Variants in ARHGAP25 observed in about 807,000 individuals in gnomAD.
ARHGAP25 encodes Rho GTPase activating protein 25, also known as rho GTPase-activating protein 25.
A neutral mutation model predicts 71.0 loss-of-function variants in ARHGAP25; 34 were observed. That is an observed-to-expected ratio of 0.48 (90% CI 0.36 to 0.64). The LOEUF (loss-of-function observed/expected upper bound fraction) is 0.64. Among genes scored for constraint, ARHGAP25 ranks in the 30% least tolerant of loss-of-function variants. ARHGAP25 has a pLI of 0.00. For missense variants in ARHGAP25, 706 were observed against 805.1 expected, an observed-to-expected ratio of 0.88 and a Z score of 1.49; for synonymous variants, 282 against 296.5, an observed-to-expected ratio of 0.95 and a Z score of 0.50.
At chr2:68,782,434 CA>C (rs1678409532) in intron 3 of ARHGAP25, 114 bp downstream of exon 3, 21 of 899,334 alleles carry the variant, frequency 2.3e-5, no homozygotes, top group Non-Finnish European at 3.7e-5. Context: ...ACTAACCAAC[CA>C]GCCTATTGAG....
At chr2:68,755,623 T>C (rs1403967344) in intron 1 of ARHGAP25, among the ~76,000 whole-genome samples, 1 of 129,090 alleles carries the variant, frequency 7.7e-6, no homozygotes, top group African/African-American at 2.9e-5. Context: ...TCTTCCCATA[T>C]ATTAAAAGGA....
intron 4 of ARHGAP25, among the ~76,000 whole-genome samples, chr2:68,788,562 G>T (rs751930028): frequency 1.3e-5 from 2 of 152,148 alleles, no homozygotes; most frequent in Non-Finnish European, 2.9e-5. Context: ...GAGCTCTCTG[G>T]GAATCCTGGT....
rs563855263 is a variant in ARHGAP25, at chr2:68,767,661, A to G, written c.62-7560A>G. The stretch of plus-strand genomic sequence containing the variant: ...TTGCTCAGAATCCCTAGGTCTCTCC[A>G]CATGAGCTTGGGTAGCAGCTGGTAA... On this transcript the variant is annotated intron_variant, in intron 1 of 10. Transcript: ENST00000409202. This position sits in a 1 kb window ranked among gnomAD's most constrained non-coding sequence, Gnocchi z 4.6. 6.6e-6 allele frequency among the ~76,000 whole-genome samples: 1 copy of G among 152,228 alleles called. No individual in the cohort carries two copies. Among genetic ancestry groups the G allele is most frequent in the African/African-American group, 2.4e-5 (1 of 41,524 alleles).
At chr2:68,713,953 T>A (rs1419632903) in intron 2 of ARHGAP25, among the ~76,000 whole-genome samples, 1 of 152,206 alleles carries the variant, frequency 6.6e-6, no homozygotes, top group Non-Finnish European at 1.5e-5. Context: ...TTTCTTTTTT[T>A]GTTGTGTCTC....
At chr2:68,761,763 A>G (rs1676835797) in intron 1 of ARHGAP25, among the ~76,000 whole-genome samples, 1 of 152,188 alleles carries the variant, frequency 6.6e-6, no homozygotes, top group Non-Finnish European at 1.5e-5. Flanking sequence ...GGAGATATTG[A>G]AACCCTTTTG....
At chr2:68,722,251 A>C (rs1005190476) in intron 2 of ARHGAP25, among the ~76,000 whole-genome samples, 1 of 152,208 alleles carries the variant, frequency 6.6e-6, no homozygotes, top group Non-Finnish European at 1.5e-5. Flanking sequence ...AGAACTCCTA[A>C]TTTCAACACT....
chr2:68,822,395 C>T lies in ARHGAP25; in HGVS notation c.1256C>T (p.Pro419Leu), dbSNP rs376461540. Reference sequence around the variant, plus strand: ...GGACAGCAGCCGAGCGATGCGTTTCCGGAGGACAGCAGCAAAGTACCCAGG... The same window carrying T: ...GGACAGCAGCCGAGCGATGCGTTTCTGGAGGACAGCAGCAAAGTACCCAGG... ...PTGQQPSDAF[P>L]EDSSKVPREK... Residue 419 changes from proline to leucine, a missense_variant, in exon 10 of 11, where the codon CCG (proline) becomes CTG (leucine). Transcript: ENST00000409202. 98 of 1,613,924 alleles carry T rather than the reference C, an allele frequency of 6.1e-5. No homozygotes were observed. The highest frequency in any genetic ancestry group is 9.9e-5 in the South Asian group (9 of 91,074).
intron 1 of ARHGAP25, among the ~76,000 whole-genome samples, chr2:68,769,249 A>C (rs1056330459): frequency 6.6e-6 from 1 of 152,054 alleles, no homozygotes; most frequent in Non-Finnish European, 1.5e-5. Flanking sequence ...TCTCTCATTT[A>C]GAATAAAATT....
At chr2:68,803,266 G>A (rs756288790) in intron 4 of ARHGAP25, among the ~76,000 whole-genome samples, 1 of 152,180 alleles carries the variant, frequency 6.6e-6, no homozygotes, top group Non-Finnish European at 1.5e-5. Context: ...TTATTGCAAT[G>A]TAGGGAGAAA....
rs762041392 is a variant in ARHGAP25 at position 68,819,363 on chromosome 2, T to C, written c.1200+44T>C. 4.4e-6 allele frequency: 7 copies of C among 1,602,648 alleles called. No individual in the cohort carries two copies. The East Asian group carries it at 1.6e-4, about 36-fold the overall frequency. ...TCCTGCTTCCATTGGGTTCTTCCTT[T>C]AGTCCAGGCCATCCCATGTAAGGCC... On this transcript the variant is annotated intron_variant, in intron 9 of 10. Coordinates refer to ENST00000409202, the MANE Select transcript of ARHGAP25 (RefSeq NM_001007231.3).
chr2:68,811,821 A>C (rs1316084107), intron 5 of ARHGAP25, among the ~76,000 whole-genome samples: 1 of 152,182 alleles, frequency 6.6e-6, no homozygotes, highest in Non-Finnish European at 1.5e-5. Flanking sequence ...TCCTAGGACC[A>C]GGAGACATGT....
intron 3 of ARHGAP25, among the ~76,000 whole-genome samples, chr2:68,786,794 A>C (rs760836609): frequency 3.9e-5 from 6 of 152,230 alleles, no homozygotes; most frequent in Non-Finnish European, 8.8e-5. Context: ...GTTTAGGCAC[A>C]ACTACTCAGC....
intron 1 of ARHGAP25, among the ~76,000 whole-genome samples, chr2:68,761,161 A>T (rs1676791715): frequency 6.6e-6 from 1 of 152,062 alleles, no homozygotes; most frequent in Non-Finnish European, 1.5e-5. Flanking sequence ...TTCAAAAATG[A>T]TGCTAGGAAA....
At chr2:68,825,656 T>G (rs1033074441) in intron 10 of ARHGAP25, among the ~76,000 whole-genome samples, 2 of 151,898 alleles carry the variant, frequency 1.3e-5, no homozygotes, top group African/African-American at 4.8e-5. Flanking sequence ...GCATCTGCAG[T>G]CCCAGCTACT....
intron 1 of ARHGAP25, among the ~76,000 whole-genome samples, chr2:68,751,501 C>T (rs144262338): frequency 3.9e-5 from 6 of 152,306 alleles, no homozygotes; most frequent in African/African-American, 9.6e-5. Context: ...TCCTCCTATT[C>T]GCACACCTGC....
At chr2:68,765,604 T>C (rs1197409173) in intron 1 of ARHGAP25, among the ~76,000 whole-genome samples, 1 of 152,230 alleles carries the variant, frequency 6.6e-6, no homozygotes, top group Non-Finnish European at 1.5e-5. Flanking sequence ...ATTTTCCCCA[T>C]GCTTAAGTAT....
chr2:68,750,754 C>T (rs1291814497), intron 1 of ARHGAP25, among the ~76,000 whole-genome samples: 1 of 152,184 alleles, frequency 6.6e-6, no homozygotes, highest in Non-Finnish European at 1.5e-5. Flanking sequence ...ACCGGACTGT[C>T]TGTGATTCTG....
chr2:68,812,589 C>G (rs961645082), intron 5 of ARHGAP25, among the ~76,000 whole-genome samples: 2 of 152,238 alleles, frequency 1.3e-5, no homozygotes, highest in African/African-American at 2.4e-5. Context: ...TGTTCTTTTT[C>G]CATACTTCCA....
chr2:68,751,404 G>A (rs974601015), intron 1 of ARHGAP25, among the ~76,000 whole-genome samples: 4 of 152,228 alleles, frequency 2.6e-5, no homozygotes, highest in East Asian at 1.9e-4. Flanking sequence ...TACATAGCAT[G>A]TATAAATACA....
Sources: gnomAD v4.1 joint callset for allele counts (sites outside exome capture counted in the v4.1 genomes callset) on GRCh38, gnomAD v4.1.1 for gene constraint, Gnocchi (gnomAD v3.1) non-coding constraint, MANE v1.5 for transcripts, NCBI Gene and HGNC (gene_info 2026-07-23, HGNC 2026-07-21) for gene names.